The following ARID3A variants were observed in gnomAD, a reference collection of about 807,000 sequenced individuals.
ARID3A encodes the protein AT-rich interaction domain 3A.
In ARID3A, 11 loss-of-function variants were observed where a neutral mutation model predicts 52.7. The ratio of observed to expected loss-of-function variants is 0.21; its 90% CI spans 0.13 to 0.35. The LOEUF (loss-of-function observed/expected upper bound fraction) is 0.35. Ranked by LOEUF, ARID3A falls within the 10% of genes least tolerant of loss-of-function variation. The pLI is 1.00. For missense variants in ARID3A, 721 were observed against 838.5 expected (o/e 0.86, Z 1.73); for synonymous variants, 404 against 359.4 (o/e 1.12, Z -1.40).
intron 3 of ARID3A, among the ~76,000 whole-genome samples, chr19:940,918 G>T (rs980084620): frequency 1.3e-5 from 2 of 152,080 alleles, no homozygotes; most frequent in Non-Finnish European, 2.9e-5. Context: ...GGCGGGCGAG[G>T]GGTGGGTGGG....
chr19:941,528 G>A lies in ARID3A; in HGVS notation c.693+8786G>A, dbSNP rs2037555108. 6.6e-6 allele frequency among the ~76,000 whole-genome samples: 1 copy of A among 152,232 alleles called. No homozygotes were observed. Among genetic ancestry groups the A allele is most frequent in the African/African-American group, 2.4e-5 (1 of 41,454 alleles). On this transcript the variant is annotated intron_variant, in intron 3 of 8. Transcript: ENST00000263620. The surrounding 1 kb of genome is among the most constrained non-coding windows in gnomAD (Gnocchi z 6.9). Reference sequence around the variant, plus strand: ...CAAACTTCCCACGTCCCTGTTTTGCGTGGACCTGTTGGTGAGTGTGTCCAG... The same window carrying A: ...CAAACTTCCCACGTCCCTGTTTTGCATGGACCTGTTGGTGAGTGTGTCCAG...
At position 960,176 on chromosome 19, in the gene ARID3A, GCC is replaced by G; in HGVS notation, c.766+16_766+17del. ...CATGCAGAAGCGAGGTGAGCCCTCT[GCC>G]CCCACCCCGCTGGAGGGAGGTCACA... On this transcript the variant is annotated intron_variant, in intron 4 of 8. Transcript: ENST00000263620. The surrounding 1 kb of genome is among the most constrained non-coding windows in gnomAD (Gnocchi z 4.3). 6.2e-7 allele frequency: 1 copy of G among 1,606,714 alleles called. No homozygotes were observed. Among genetic ancestry groups the G allele is most frequent in the Non-Finnish European group, 8.5e-7 (1 of 1,175,488 alleles).
At chr19:965,688 C>T (rs2038134038) in intron 6 of ARID3A, among the ~76,000 whole-genome samples, 1 of 152,000 alleles carries the variant, frequency 6.6e-6, no homozygotes, top group South Asian at 2.1e-4. Context: ...TAGTGAGACC[C>T]AGTCTAAAAA....
chr19:965,505 G>C (rs2038129706), intron 6 of ARID3A, among the ~76,000 whole-genome samples: 2 of 150,164 alleles, frequency 1.3e-5, no homozygotes, highest in Admixed American at 6.7e-5. Flanking sequence ...TCTCATCTGG[G>C]CAACATAGTG....
chr19:960,112 C>T lies in ARID3A; in HGVS notation c.714C>T (p.Asp238=), dbSNP rs1304605902. The change falls in exon 4 of 9, where the codon GAC becomes GAT. Residue 238 remains aspartate (D), a synonymous_variant. Transcript: ENST00000263620. This position sits in a 1 kb window ranked among gnomAD's most constrained non-coding sequence, Gnocchi z 4.3. ...QFKQLYELDG[D]PKRKEFLDDL... ...CACAGCTCTACGAACTCGACGGGGACCCCAAGAGGAAGGAATTCCTGGATG... is the reference window on the plus strand; with the variant it reads ...CACAGCTCTACGAACTCGACGGGGATCCCAAGAGGAAGGAATTCCTGGATG... The T allele has an allele frequency of 6.2e-7, 1 of 1,613,246 alleles. No individual in the cohort carries two copies. Among genetic ancestry groups the T allele is most frequent in the African/African-American group, 1.3e-5 (1 of 74,986 alleles).
chr19:926,912 C>G (rs1010990704), intron 1 of ARID3A, among the ~76,000 whole-genome samples: 2 of 152,046 alleles, frequency 1.3e-5, no homozygotes, highest in African/African-American at 4.8e-5. Context: ...GGCCGCTTTC[C>G]AAGAAGCCTT....
In ARID3A at chr19:964,318, G is replaced by A. The variant is rs867365440; in HGVS notation, c.837G>A (p.Val279=). ...ACCTGTTCATGCTGTACGTGCTGGT[G>A]ACGGAGAAGGGCGGCCTCGTGGAGG... ...VLDLFMLYVL[V]TEKGGLVEVI... The change falls in exon 5 of 9, where the codon GTG becomes GTA. Residue 279 remains valine, a synonymous_variant. Coordinates refer to ENST00000263620, the MANE Select transcript of ARID3A (RefSeq NM_005224.3). The surrounding 1 kb of genome is among the most constrained non-coding windows in gnomAD (Gnocchi z 5.7). 6.2e-7 allele frequency: 1 copy of A among 1,614,152 alleles called. No individual in the cohort carries two copies. The highest frequency in any genetic ancestry group is 1.1e-5 in the South Asian group (1 of 91,078).
chr19:947,391 C>A lies in ARID3A; in HGVS notation c.694-12701C>A, dbSNP rs1407990628. On this transcript the variant is annotated intron_variant, in intron 3 of 8. Coordinates refer to ENST00000263620, the MANE Select transcript of ARID3A (RefSeq NM_005224.3). The surrounding 1 kb of genome is among the most constrained non-coding windows in gnomAD (Gnocchi z 6.3). ...TTTCTGGAAGTGCCTGTCAGCTGAT[C>A]CCACCCCGGCCACATCTCAGCACCA... Among the ~76,000 whole-genome samples the A allele has an allele frequency of 6.6e-6, 1 of 152,178 alleles. No homozygotes were observed. The highest frequency in any genetic ancestry group is 1.5e-5 in the Non-Finnish European group (1 of 68,026).
At position 930,572 on chromosome 19, in the gene ARID3A, T is replaced by C. The variant is rs187773741; in HGVS notation, c.368+676T>C. Among the ~76,000 whole-genome samples the C allele has an allele frequency of 3.3e-3, 490 of 146,882 alleles. 3 individuals are homozygous for C. Among genetic ancestry groups the C allele is most frequent in the Non-Finnish European group, 5.0e-3 (337 of 66,850 alleles). On this transcript the variant is annotated intron_variant, in intron 2 of 8. Coordinates refer to ENST00000263620, the MANE Select transcript of ARID3A (RefSeq NM_005224.3). ...TCGCCCAGGCTGGAGTGCAGTGGCGTGATCTCAGCTCACTGCAACCTCCTC... is the reference window on the plus strand; with the variant it reads ...TCGCCCAGGCTGGAGTGCAGTGGCGCGATCTCAGCTCACTGCAACCTCCTC...
intron 3 of ARID3A, among the ~76,000 whole-genome samples, chr19:955,318 CTGCTGGCTTTGT>C (rs1045658029): frequency 1.8e-4 from 28 of 152,210 alleles, no homozygotes; most frequent in Non-Finnish European, 3.2e-4. Flanking sequence ...GCGGCCTTTA[CTGCTGGCTTTGT>C]TGCTGGCTGC....
At chr19:954,474 A>G (rs72984091) in intron 3 of ARID3A, among the ~76,000 whole-genome samples, 6 of 152,354 alleles carry the variant, frequency 3.9e-5, no homozygotes, top group African/African-American at 7.2e-5. Flanking sequence ...TTCATTTAAC[A>G]TGCATTTATT....
At chr19:951,365 G>A (rs760769726) in intron 3 of ARID3A, among the ~76,000 whole-genome samples, 34 of 151,868 alleles carry the variant, frequency 2.2e-4, no homozygotes, top group Non-Finnish European at 1.9e-4. Flanking sequence ...GACCAGCCTG[G>A]CCAACATGGT....
intron 3 of ARID3A, among the ~76,000 whole-genome samples, chr19:949,876 A>G (rs1282623585): frequency 6.7e-6 from 1 of 149,518 alleles, no homozygotes; most frequent in Admixed American, 6.7e-5. Context: ...GGGTTTCTCC[A>G]TGTTGGCCAG....
rs1300886890 is a variant in ARID3A, at chr19:938,280, G to A, written c.693+5538G>A. ...TGCTGCCCATGTAACTTGCAGATGA[G>A]CTCAGAGGTGTAGGAATGACGGCAC... On this transcript the variant is annotated intron_variant, in intron 3 of 8. Transcript: ENST00000263620. This position sits in a 1 kb window ranked among gnomAD's most constrained non-coding sequence, Gnocchi z 4.0. Among the ~76,000 whole-genome samples the A allele has an allele frequency of 6.6e-6, 1 of 152,204 alleles. No individual in the cohort carries two copies. The highest frequency in any genetic ancestry group is 6.5e-5 in the Admixed American group (1 of 15,274).
intron 3 of ARID3A, among the ~76,000 whole-genome samples, chr19:955,791 C>A (rs1482448488): frequency 6.6e-6 from 1 of 152,122 alleles, no homozygotes; most frequent in Non-Finnish European, 1.5e-5. Flanking sequence ...CTGGAAGGGC[C>A]CAAGGTGTGC....
At position 973,425 on chromosome 19, in the gene ARID3A, C is replaced by A. The variant is rs1440787137; in HGVS notation, c.*1360C>A. 5.0e-6 allele frequency: 1 copy of A among 199,338 alleles called. No homozygotes were observed. The highest frequency in any genetic ancestry group is 6.0e-5 in the Admixed American group (1 of 16,548). The allele number at this position is 199,338 out of a possible 1,614,324, so 12.3% of individuals were successfully genotyped here. A position where few individuals can be genotyped will look rare whatever the true frequency, so the allele number is the denominator to read the frequency against. On this transcript the variant is annotated 3_prime_UTR_variant, in exon 9 of 9. Coordinates refer to ENST00000263620, the MANE Select transcript of ARID3A (RefSeq NM_005224.3). ...CGCCACGCTGGCCCGGTCTGGAAAT[C>A]TTATCTAAAAAGTAGCAAGTGCTGG...
chr19:944,480 C>A lies in ARID3A; in HGVS notation c.693+11738C>A, dbSNP rs1204667883. Among the ~76,000 whole-genome samples, 1 of 152,146 alleles carries A rather than the reference C, an allele frequency of 6.6e-6. No homozygotes were observed. The highest frequency in any genetic ancestry group is 1.5e-5 in the Non-Finnish European group (1 of 68,004). Reference sequence around the variant, plus strand: ...GCCCCGTTGCTTCGGTCGATGCCCCCAAACCTTGACCCATCTCAGGGGCAC... The same window carrying A: ...GCCCCGTTGCTTCGGTCGATGCCCCAAAACCTTGACCCATCTCAGGGGCAC... On this transcript the variant is annotated intron_variant, in intron 3 of 8. Transcript: ENST00000263620. The surrounding 1 kb of genome is among the most constrained non-coding windows in gnomAD (Gnocchi z 5.9).
chr19:938,994 A>G lies in ARID3A; in HGVS notation c.693+6252A>G, dbSNP rs986644700. On this transcript the variant is annotated intron_variant, in intron 3 of 8. Transcript: ENST00000263620. This position sits in a 1 kb window ranked among gnomAD's most constrained non-coding sequence, Gnocchi z 4.0. ...CACCCAGGCTGCAGTGCAATGGTGC[A>G]ATCTCAGCTCACTGCAACCTCTGCT... Among the ~76,000 whole-genome samples the G allele has an allele frequency of 4.8e-5, 7 of 147,044 alleles. No homozygotes were observed. The highest frequency in any genetic ancestry group is 1.8e-4 in the African/African-American group (7 of 39,596).
intron 3 of ARID3A, among the ~76,000 whole-genome samples, chr19:936,079 C>G (rs570221969): frequency 6.6e-6 from 1 of 152,248 alleles, no homozygotes; most frequent in Admixed American, 6.5e-5. Flanking sequence ...CGTGAGCCAC[C>G]GCGCCCGGCC....
Sources: gnomAD v4.1 joint callset for allele counts (sites outside exome capture counted in the v4.1 genomes callset) on GRCh38, gnomAD v4.1.1 for gene constraint, Gnocchi (gnomAD v3.1) non-coding constraint, MANE v1.5 for transcripts, NCBI Gene and HGNC (gene_info 2026-07-23, HGNC 2026-07-21) for gene names.